CACNA2D1: variants seen among roughly 807,000 people sequenced by gnomAD.
CACNA2D1 encodes the protein calcium voltage-gated channel auxiliary subunit alpha2delta 1, also known as voltage-dependent calcium channel subunit alpha-2/delta-1.
Under a neutral mutation model 171.5 loss-of-function variants are expected in CACNA2D1, and 53 were observed. The observed-to-expected ratio is 0.31, with a 90% CI of 0.25 to 0.39. The LOEUF (loss-of-function observed/expected upper bound fraction) is 0.39. CACNA2D1 is among the 10% of genes least tolerant of loss of function. CACNA2D1 has a pLI of 1.00. For synonymous variants in CACNA2D1, 442 were observed against 443.1 expected, an observed-to-expected ratio of 1.00 and a Z score of 0.03; for missense variants, 903 against 1,299.8, an observed-to-expected ratio of 0.69 and a Z score of 4.69.
At chr7:82,274,845 T>C (rs1159976571) in intron 3 of CACNA2D1, among the ~76,000 whole-genome samples, 1 of 137,482 alleles carries the variant, frequency 7.3e-6, no homozygotes, top group African/African-American at 2.9e-5. Context: ...ATGTGTTCAA[T>C]ACAGGTATTT....
intron 3 of CACNA2D1, among the ~76,000 whole-genome samples, chr7:82,223,515 A>AGCATCAGG (rs1802016525): frequency 6.6e-6 from 1 of 152,148 alleles, no homozygotes; most frequent in African/African-American, 2.4e-5. Context: ...AAAGACAGAG[A>AGCATCAGG]GCATCAGGGC....
At chr7:82,191,015 A>T (rs918224198) in intron 3 of CACNA2D1, among the ~76,000 whole-genome samples, 1 of 151,676 alleles carries the variant, frequency 6.6e-6, no homozygotes, top group African/African-American at 2.4e-5. Context: ...GCAATAATAA[A>T]CACTATGCTG....
intron 12 of CACNA2D1, among the ~76,000 whole-genome samples, chr7:82,016,276 T>G (rs568757912): frequency 2.6e-4 from 40 of 152,140 alleles, no homozygotes; most frequent in Non-Finnish European, 4.3e-4. Flanking sequence ...CCCTAAACAA[T>G]CATCAAATGA....
chr7:82,385,030 G>A (rs554822998), intron 1 of CACNA2D1, among the ~76,000 whole-genome samples: 1 of 152,276 alleles, frequency 6.6e-6, no homozygotes, highest in South Asian at 2.1e-4. Flanking sequence ...TCCTCTGTAG[G>A]CATTAATGAC....
intron 11 of CACNA2D1, among the ~76,000 whole-genome samples, chr7:82,037,689 A>G (rs965198862): frequency 6.6e-6 from 1 of 152,204 alleles, no homozygotes; most frequent in Non-Finnish European, 1.5e-5. Flanking sequence ...GTTTAAAACT[A>G]AAATGTTCTC....
At chr7:82,064,419 T>C (rs1447429504) in intron 8 of CACNA2D1, 65 bp from the exon 9 acceptor site, 2 of 1,240,780 alleles carry the variant, frequency 1.6e-6, no homozygotes, top group South Asian at 1.2e-5. Context: ...ATTTGTTGAA[T>C]TGATATTTAC....
chr7:82,139,322 G>A (rs958444703), intron 4 of CACNA2D1, among the ~76,000 whole-genome samples: 1 of 152,126 alleles, frequency 6.6e-6, no homozygotes, highest in Non-Finnish European at 1.5e-5. Context: ...TTACAAGTAT[G>A]ATTTTTTAAG....
chr7:82,197,577 A>T (rs1379292941), intron 3 of CACNA2D1, among the ~76,000 whole-genome samples: 2 of 152,024 alleles, frequency 1.3e-5, no homozygotes, highest in East Asian at 3.9e-4. Flanking sequence ...ATGCAGTGTG[A>T]TGTGTCACAA....
At chr7:82,056,016 A>AT (rs1423437895) in intron 10 of CACNA2D1, among the ~76,000 whole-genome samples, 2 of 143,574 alleles carry the variant, frequency 1.4e-5, no homozygotes, top group Non-Finnish European at 3.1e-5. Context: ...AGTTAAAAAA[A>AT]AAAAAAAAAA....
At chr7:82,279,853 G>T (rs1809856829) in intron 3 of CACNA2D1, among the ~76,000 whole-genome samples, 1 of 152,060 alleles carries the variant, frequency 6.6e-6, no homozygotes, top group East Asian at 1.9e-4. Context: ...AATGTAATTA[G>T]ATTGTGTCTT....
intron 15 of CACNA2D1, among the ~76,000 whole-genome samples, chr7:82,010,418 C>CTTT (rs1799647864): frequency 6.6e-6 from 1 of 150,558 alleles, no homozygotes; most frequent in Admixed American, 6.6e-5. Flanking sequence ...TATAGCACAG[C>CTTT]ACATTTAGAA....
intron 3 of CACNA2D1, among the ~76,000 whole-genome samples, chr7:82,210,974 C>G (rs1357304852): frequency 6.6e-6 from 1 of 152,086 alleles, no homozygotes. Flanking sequence ...GTGCTAGGCA[C>G]TGTGTTAAGA....
chr7:82,361,471 T>G lies in CACNA2D1; in HGVS notation c.96-11822A>C, dbSNP rs559861767. On this transcript the variant is annotated intron_variant, in intron 1 of 38. Coordinates refer to ENST00000356860, the MANE Select transcript of CACNA2D1 (RefSeq NM_000722.4). ...ACAGAAAAAGAAGTCATTTTTAATTTCTTGGTCATGTTTTCAACTATTTTT... is the reference window on the plus strand; with the variant it reads ...ACAGAAAAAGAAGTCATTTTTAATTGCTTGGTCATGTTTTCAACTATTTTT... 3.3e-5 allele frequency among the ~76,000 whole-genome samples: 5 copies of G among 152,302 alleles called. No homozygotes were observed. The East Asian group carries it at 9.6e-4, about 29-fold the overall frequency.
At chr7:81,965,459 T>G in intron 32 of CACNA2D1, 135 bp downstream of exon 32, 4 of 695,996 alleles carry the variant, frequency 5.7e-6, no homozygotes, top group Non-Finnish European at 1.1e-5. Context: ...TACATAACAT[T>G]AAGCATTTTA....
At chr7:82,401,211 T>C (rs969415686) in intron 1 of CACNA2D1, among the ~76,000 whole-genome samples, 3 of 152,178 alleles carry the variant, frequency 2.0e-5, no homozygotes, top group Non-Finnish European at 4.4e-5. Flanking sequence ...ACTGGGTATA[T>C]ACCCAAAGGA....
intron 3 of CACNA2D1, among the ~76,000 whole-genome samples, chr7:82,205,225 G>A (rs2129213051): frequency 6.6e-6 from 1 of 152,174 alleles, no homozygotes; most frequent in African/African-American, 2.4e-5. Flanking sequence ...GGTGTGACAT[G>A]CCCCAAAATT....
At chr7:82,202,768 G>A (rs527643410) in intron 3 of CACNA2D1, among the ~76,000 whole-genome samples, 1 of 152,054 alleles carries the variant, frequency 6.6e-6, no homozygotes, top group Non-Finnish European at 1.5e-5. Context: ...GACCCCATTA[G>A]GTCTGATACA....
intron 9 of CACNA2D1, among the ~76,000 whole-genome samples, chr7:82,060,940 C>T (rs567941288): frequency 6.6e-6 from 1 of 152,214 alleles, no homozygotes; most frequent in South Asian, 2.1e-4. Context: ...ATCCACATAA[C>T]AATTATGATA....
chr7:82,226,154 CTTAT>C (rs1204040691), intron 3 of CACNA2D1, among the ~76,000 whole-genome samples: 1 of 152,156 alleles, frequency 6.6e-6, no homozygotes, highest in East Asian at 1.9e-4. Flanking sequence ...GAATAACCAT[CTTAT>C]TTATGGCAAA....
Sources: gnomAD v4.1 joint callset for allele counts (sites outside exome capture counted in the v4.1 genomes callset) on GRCh38, gnomAD v4.1.1 for gene constraint, MANE v1.5 for transcripts, NCBI Gene and HGNC (gene_info 2026-07-23, HGNC 2026-07-21) for gene names.